The following FTO variants were observed in gnomAD, a reference collection of about 807,000 sequenced individuals.
FTO encodes alpha-ketoglutarate-dependent dioxygenase FTO.
FTO carries 47 observed loss-of-function variants against 63.9 expected under a neutral mutation model. The observed-to-expected ratio is 0.74, with a 90% CI of 0.58 to 0.94. The LOEUF (loss-of-function observed/expected upper bound fraction) is 0.94. Among genes scored for constraint, FTO ranks in the 40% least tolerant of loss-of-function variants. FTO has a pLI of 0.00. For missense variants in FTO, 562 were observed against 618.1 expected (o/e 0.91, Z 0.96); for synonymous variants, 207 against 224.4 (o/e 0.92, Z 0.69).
At chr16:53,995,880 G>T (rs537907914) in intron 8 of FTO, among the ~76,000 whole-genome samples, 1 of 152,222 alleles carries the variant, frequency 6.6e-6, no homozygotes, top group Admixed American at 6.5e-5. Flanking sequence ...CAAGTCAGGG[G>T]CTGTGTGACA....
intron 8 of FTO, among the ~76,000 whole-genome samples, chr16:53,969,107 G>C (rs2083260425): frequency 6.6e-6 from 1 of 152,106 alleles, no homozygotes; most frequent in Admixed American, 6.5e-5. Flanking sequence ...TCTCCTGACT[G>C]GTTCTCCTTA....
intron 8 of FTO, among the ~76,000 whole-genome samples, chr16:53,951,042 A>G (rs2082787934): frequency 6.6e-6 from 1 of 152,210 alleles, no homozygotes; most frequent in African/African-American, 2.4e-5. Flanking sequence ...CTATATAGTG[A>G]TAATATATTT....
rs1173925965 is a variant in FTO at position 53,798,182 on chromosome 16, A to G, written c.46-11958A>G. On this transcript the variant is annotated intron_variant, in intron 1 of 8. Transcript: ENST00000471389. Reference sequence around the variant, plus strand: ...TATCTGTTTGTTTAGTATTATATCAATACAGCACTGTCTTGATTTCTGTAG... The same window carrying G: ...TATCTGTTTGTTTAGTATTATATCAGTACAGCACTGTCTTGATTTCTGTAG... 2.6e-5 allele frequency among the ~76,000 whole-genome samples: 4 copies of G among 152,156 alleles called. No homozygotes were observed. In the East Asian group the frequency reaches 7.7e-4, roughly 29 times the overall value.
chr16:53,954,727 C>T (rs1369017876), intron 8 of FTO, among the ~76,000 whole-genome samples: 2 of 151,978 alleles, frequency 1.3e-5, no homozygotes, highest in East Asian at 1.9e-4. Flanking sequence ...TTAGCTTTCA[C>T]AGTAGAGCCC....
chr16:53,961,270 G>A (rs1311569730), intron 8 of FTO, among the ~76,000 whole-genome samples: 1 of 152,146 alleles, frequency 6.6e-6, no homozygotes, highest in East Asian at 1.9e-4. Flanking sequence ...TTAAACTGTC[G>A]CAGGCTGCCC....
chr16:53,925,352 G>GAAAAAAT (rs1438531498), intron 7 of FTO, among the ~76,000 whole-genome samples: 77 of 152,264 alleles, frequency 5.1e-4, no homozygotes, highest in African/African-American at 1.7e-3. Flanking sequence ...TTCCCGTAAT[G>GAAAAAAT]ACAGTATTAC....
At chr16:53,865,649 A>G (rs1356898709) in intron 4 of FTO, among the ~76,000 whole-genome samples, 1 of 152,120 alleles carries the variant, frequency 6.6e-6, no homozygotes, top group Non-Finnish European at 1.5e-5. Flanking sequence ...TTGTCTGCTT[A>G]TCGTCTCCTC....
At chr16:53,999,486 G>T (rs541268510) in intron 8 of FTO, among the ~76,000 whole-genome samples, 1 of 152,250 alleles carries the variant, frequency 6.6e-6, no homozygotes, top group African/African-American at 2.4e-5. Context: ...GCTGTCATAG[G>T]GCTGACACAA....
At chr16:54,109,729 A>T (rs2086834707) in intron 8 of FTO, among the ~76,000 whole-genome samples, 1 of 152,248 alleles carries the variant, frequency 6.6e-6, no homozygotes, top group South Asian at 2.1e-4. Context: ...TGTACAACAC[A>T]GCATAAGCAA....
chr16:54,118,884 A>G lies in FTO; in HGVS notation c.*6969A>G, dbSNP rs754376542. 6 of 152,222 alleles carry G rather than the reference A, an allele frequency of 3.9e-5. No homozygotes were observed. The highest frequency in any genetic ancestry group is 7.2e-5 in the African/African-American group (3 of 41,450). The allele number at this position is 152,222 out of a possible 1,614,324, so 9.4% of individuals were successfully genotyped here. The stretch of plus-strand genomic sequence containing the variant: ...TTTGTAAATGCTAAAGTCCTACTCA[A>G]GTCCAAGGGAGAGAAATTATTATTA... On this transcript the variant is annotated 3_prime_UTR_variant, in exon 9 of 9. Transcript: ENST00000471389.
intron 7 of FTO, among the ~76,000 whole-genome samples, chr16:53,922,242 G>A (rs752256079): frequency 6.6e-6 from 1 of 151,978 alleles, no homozygotes; most frequent in Non-Finnish European, 1.5e-5. Flanking sequence ...TCATGCTATT[G>A]TTTATTAGTT....
chr16:54,106,499 T>A (rs1261254439), intron 8 of FTO, among the ~76,000 whole-genome samples: 1 of 145,156 alleles, frequency 6.9e-6, no homozygotes, highest in Non-Finnish European at 1.5e-5. Flanking sequence ...TAGTATATAT[T>A]GTATATAATT....
At chr16:53,901,769 T>C (rs888565562) in intron 7 of FTO, among the ~76,000 whole-genome samples, 1 of 152,190 alleles carries the variant, frequency 6.6e-6, no homozygotes, top group Non-Finnish European at 1.5e-5. Context: ...CTCTATGTGA[T>C]GCTGTTATTT....
chr16:53,760,235 TG>T (rs2077031018), intron 1 of FTO, among the ~76,000 whole-genome samples: 1 of 20,084 alleles, frequency 5.0e-5, no homozygotes, highest in Admixed American at 3.7e-4. Context: ...TGTGTGTGTG[TG>T]TGTGTGTGTG....
At chr16:53,903,916 G>A (rs1295805075) in intron 7 of FTO, among the ~76,000 whole-genome samples, 1 of 151,892 alleles carries the variant, frequency 6.6e-6, no homozygotes, top group Non-Finnish European at 1.5e-5. Context: ...GTGTAAATGT[G>A]TGTATTTGTA....
intron 1 of FTO, among the ~76,000 whole-genome samples, chr16:53,710,411 A>G (rs891675904): frequency 6.6e-6 from 1 of 151,862 alleles, no homozygotes; most frequent in Non-Finnish European, 1.5e-5. Flanking sequence ...GACTACAGAC[A>G]CGTGCCACCA....
At chr16:54,068,213 T>G (rs1242599664) in intron 8 of FTO, among the ~76,000 whole-genome samples, 1 of 152,234 alleles carries the variant, frequency 6.6e-6, no homozygotes, top group Admixed American at 6.5e-5. Context: ...ATGTCCTTGT[T>G]GTCTTCCTTT....
At chr16:53,856,416 C>T (rs1278938366) in intron 4 of FTO, among the ~76,000 whole-genome samples, 2 of 150,768 alleles carry the variant, frequency 1.3e-5, no homozygotes, top group South Asian at 2.1e-4. Flanking sequence ...ACACAGCCAT[C>T]CGTGAAGGTG....
intron 1 of FTO, among the ~76,000 whole-genome samples, chr16:53,797,020 T>TA (rs2078091087): frequency 6.6e-6 from 1 of 152,216 alleles, no homozygotes; most frequent in Non-Finnish European, 1.5e-5. Context: ...GAATTTTGCA[T>TA]AAATGGAATC....
Sources: gnomAD v4.1 joint callset for allele counts (sites outside exome capture counted in the v4.1 genomes callset) on GRCh38, gnomAD v4.1.1 for gene constraint, MANE v1.5 for transcripts, NCBI Gene and HGNC (gene_info 2026-07-23, HGNC 2026-07-21) for gene names.